GABRG2: variants seen among roughly 807,000 people sequenced by gnomAD.
GABRG2 encodes the protein gamma-aminobutyric acid receptor subunit gamma-2.
GABRG2 carries 16 observed loss-of-function variants against 56.4 expected under a neutral mutation model. That is an observed-to-expected ratio of 0.28 (90% CI 0.19 to 0.43). The LOEUF (loss-of-function observed/expected upper bound fraction) is 0.43. Among genes scored for constraint, GABRG2 ranks in the 20% least tolerant of loss-of-function variants. GABRG2 has a pLI of 1.00. For missense variants in GABRG2, 327 were observed against 582.7 expected (o/e 0.56, Z 4.52); for synonymous variants, 208 against 205.5 (o/e 1.01, Z -0.10).
chr5:162,070,778 T>TA (rs1758612195), intron 1 of GABRG2, among the ~76,000 whole-genome samples: 1 of 151,988 alleles, frequency 6.6e-6, no homozygotes, highest in Non-Finnish European at 1.5e-5. Context: ...CTGGGGAACT[T>TA]ACTAAAATGG....
intron 7 of GABRG2, chr5:162,142,752 G>A (rs1002059366): frequency 6.7e-6 from 2 of 298,374 alleles, no homozygotes; most frequent in Admixed American, 9.4e-5. Flanking sequence ...CCTGTTGTGG[G>A]GTGGAGGGAT....
At chr5:162,084,503 C>G (rs1314569000) in intron 1 of GABRG2, among the ~76,000 whole-genome samples, 2 of 151,718 alleles carry the variant, frequency 1.3e-5, no homozygotes, top group African/African-American at 4.8e-5. Flanking sequence ...TACGGCTGCA[C>G]CTTAGAATTA....
At chr5:162,117,441 TG>T (rs1046110005) in intron 6 of GABRG2, among the ~76,000 whole-genome samples, 3 of 151,472 alleles carry the variant, frequency 2.0e-5, no homozygotes, top group African/African-American at 7.3e-5. Context: ...ATTCTTTTCA[TG>T]GAAAAAAAAA....
chr5:162,149,562 A>C, intron 8 of GABRG2: 1 of 759,344 alleles, frequency 1.3e-6, no homozygotes, highest in Non-Finnish European at 2.4e-6. Flanking sequence ...TATTTTGTGG[A>C]GACTAAAGCC....
intron 6 of GABRG2, among the ~76,000 whole-genome samples, chr5:162,113,021 C>T (rs1472384176): frequency 2.0e-5 from 3 of 151,882 alleles, no homozygotes; most frequent in Admixed American, 2.0e-4. Context: ...GGTGAGATCT[C>T]GACTCATGCA....
intron 6 of GABRG2, among the ~76,000 whole-genome samples, chr5:162,124,938 G>A (rs539056159): frequency 1.4e-5 from 2 of 148,110 alleles, no homozygotes; most frequent in Non-Finnish European, 3.0e-5. Flanking sequence ...AGTTTTTGCT[G>A]TTCTTTCTGG....
intron 6 of GABRG2, among the ~76,000 whole-genome samples, chr5:162,125,790 G>A (rs1763304207): frequency 6.6e-6 from 1 of 151,776 alleles, no homozygotes; most frequent in African/African-American, 2.4e-5. Flanking sequence ...GACCACTGAG[G>A]GGATGAGGGA....
intron 6 of GABRG2, chr5:162,129,154 T>A (rs1004682590): frequency 2.6e-5 from 4 of 152,030 alleles, no homozygotes; most frequent in African/African-American, 9.7e-5. Flanking sequence ...ATAGCCAAAC[T>A]GGCATAGGAA....
rs1051850170 is a variant in GABRG2, at chr5:162,104,750, T to C, written c.769+724T>C. On this transcript the variant is annotated intron_variant, in intron 6 of 9. Coordinates refer to ENST00000639213, the MANE Select transcript of GABRG2 (RefSeq NM_198904.4). ...TTATCAGATGTGCATGATAATATGG[T>C]CAGGAATTGAGATTTAAGACAAGCT... Among the ~76,000 whole-genome samples the C allele has an allele frequency of 2.6e-5, 3 of 117,472 alleles. No homozygotes were observed. In the East Asian group the frequency reaches 6.4e-4, roughly 25 times the overall value. 77.1% of individuals were successfully genotyped at this position (117,472 alleles called of 152,430 possible). A position where few individuals can be genotyped will look rare whatever the true frequency, so the allele number is the denominator to read the frequency against.
Position 162,067,782 on chromosome 5 carries a change from A to G in GABRG2, c.-218A>G. The G allele has an allele frequency of 1.6e-6, 1 of 611,146 alleles. No individual in the cohort carries two copies. Among genetic ancestry groups the G allele is most frequent in the South Asian group, 2.0e-5 (1 of 50,268 alleles). 37.9% of individuals were successfully genotyped at this position (611,146 alleles called of 1,614,324 possible). Reference sequence around the variant, plus strand: ...AGACTTGGAAGCCGCTGCCAGAGTGACGCTTTGATGGTATCTGCAAGCGTT... The same window carrying G: ...AGACTTGGAAGCCGCTGCCAGAGTGGCGCTTTGATGGTATCTGCAAGCGTT... On this transcript the variant is annotated 5_prime_UTR_variant, in exon 1 of 10. Transcript: ENST00000639213.
At chr5:162,075,989 G>GAA (rs111787104) in intron 1 of GABRG2, among the ~76,000 whole-genome samples, 15 of 142,102 alleles carry the variant, frequency 1.1e-4, no homozygotes, top group Admixed American at 5.6e-4. Context: ...CCTATTTCAA[G>GAA]AAAAAAAAAA....
In GABRG2 at chr5:162,154,170, G is replaced by T. The variant is rs967834829; in HGVS notation, c.*802G>T. 2 of 152,120 alleles carry T rather than the reference G, an allele frequency of 1.3e-5. No homozygotes were observed. Among genetic ancestry groups the T allele is most frequent in the Admixed American group, 6.6e-5 (1 of 15,254 alleles). 9.4% of individuals were successfully genotyped at this position (152,120 alleles called of 1,614,324 possible). On this transcript the variant is annotated 3_prime_UTR_variant, in exon 10 of 10. Coordinates refer to ENST00000639213, the MANE Select transcript of GABRG2 (RefSeq NM_198904.4). Reference sequence around the variant, plus strand: ...AACACTTTAAGTAAAATATAGACTGGATAATCAACATTTGCCACCTCTAAA... The same window carrying T: ...AACACTTTAAGTAAAATATAGACTGTATAATCAACATTTGCCACCTCTAAA...
At chr5:162,084,563 G>A (rs956571537) in intron 1 of GABRG2, among the ~76,000 whole-genome samples, 1 of 151,750 alleles carries the variant, frequency 6.6e-6, no homozygotes, top group Non-Finnish European at 1.5e-5. Context: ...ATCAGTATAA[G>A]GTAGGATTTC....
chr5:162,132,535 T>A lies in GABRG2; in HGVS notation c.770-9629T>A, dbSNP rs1344148205. On this transcript the variant is annotated intron_variant, in intron 6 of 9. Coordinates refer to ENST00000639213, the MANE Select transcript of GABRG2 (RefSeq NM_198904.4). ...TACAACTCTGACAAATCAATTATAA[T>A]CTCTTACTCAAAGGAGCATATCTAG... Among the ~76,000 whole-genome samples, 5 of 152,096 alleles carry A rather than the reference T, an allele frequency of 3.3e-5. No homozygotes were observed. In the East Asian group the frequency reaches 7.7e-4, roughly 24 times the overall value.
intron 6 of GABRG2, among the ~76,000 whole-genome samples, chr5:162,119,529 A>T (rs1055877174): frequency 6.6e-6 from 1 of 152,100 alleles, no homozygotes; most frequent in African/African-American, 2.4e-5. Flanking sequence ...AAGTTTCTTG[A>T]TTATTTATTC....
At chr5:162,131,445 G>A (rs1455486784) in intron 6 of GABRG2, among the ~76,000 whole-genome samples, 1 of 151,950 alleles carries the variant, frequency 6.6e-6, no homozygotes, top group African/African-American at 2.4e-5. Flanking sequence ...ATATTACTTA[G>A]AAACATCACT....
chr5:162,098,614 T>C (rs1455721890), intron 4 of GABRG2: 1 of 152,192 alleles, frequency 6.6e-6, no homozygotes, highest in Non-Finnish European at 1.5e-5. Context: ...CGACTTTGGT[T>C]CTTAGCTCTC....
chr5:162,078,388 TATA>T (rs1359746995), intron 1 of GABRG2, among the ~76,000 whole-genome samples: 2,120 of 53,106 alleles, frequency 0.04, 140 homozygotes, highest in Non-Finnish European at 0.047. Flanking sequence ...TATATATATA[TATA>T]TATATATTTT....
intron 6 of GABRG2, among the ~76,000 whole-genome samples, chr5:162,133,063 A>G (rs1763869339): frequency 6.6e-6 from 1 of 151,826 alleles, no homozygotes; most frequent in Admixed American, 6.6e-5. Context: ...ACTGGCTTTC[A>G]TGGATGCATT....
Sources: gnomAD v4.1 joint callset for allele counts (sites outside exome capture counted in the v4.1 genomes callset) on GRCh38, gnomAD v4.1.1 for gene constraint, MANE v1.5 for transcripts, NCBI Gene and HGNC (gene_info 2026-07-23, HGNC 2026-07-21) for gene names.